RBMS3: variants seen among roughly 807,000 people sequenced by gnomAD.
The protein encoded by RBMS3 is RNA binding motif single stranded interacting protein 3.
RBMS3 carries 27 observed loss-of-function variants against 66.8 expected under a neutral mutation model. The observed-to-expected ratio is 0.40, with a 90% CI of 0.30 to 0.56. The LOEUF is 0.56. Ranked by LOEUF, RBMS3 falls within the 20% of genes least tolerant of loss-of-function variation. The pLI, the probability that RBMS3 is intolerant of heterozygous loss-of-function variation, is 0.40. For missense variants in RBMS3, 513 were observed against 549.5 expected (o/e 0.93, Z 0.66); for synonymous variants, 188 against 183.0 (o/e 1.03, Z -0.22).
At chr3:29,336,588 T>C (rs1331395196) in intron 1 of RBMS3, among the ~76,000 whole-genome samples, 1 of 152,132 alleles carries the variant, frequency 6.6e-6, no homozygotes, top group Non-Finnish European at 1.5e-5. Flanking sequence ...GTAAGAACAG[T>C]ATCACTTCCT....
chr3:29,730,580 C>G (rs1457551167), intron 4 of RBMS3, among the ~76,000 whole-genome samples: 2 of 152,152 alleles, frequency 1.3e-5, no homozygotes, highest in African/African-American at 4.8e-5. Flanking sequence ...CATGTCATTT[C>G]CACAGTTCCA....
intron 2 of RBMS3, among the ~76,000 whole-genome samples, chr3:29,466,311 C>T (rs186767386): frequency 6.6e-6 from 1 of 152,048 alleles, no homozygotes; most frequent in Non-Finnish European, 1.5e-5. Flanking sequence ...CTATGAAAAG[C>T]AGGGTTCAGC....
chr3:29,742,435 C>A (rs1310533706), intron 5 of RBMS3, among the ~76,000 whole-genome samples: 1 of 152,180 alleles, frequency 6.6e-6, no homozygotes, highest in African/African-American at 2.4e-5. Flanking sequence ...GCCTTCCTGG[C>A]TTTGACTCTG....
At chr3:29,492,919 T>C (rs1455079684) in intron 3 of RBMS3, among the ~76,000 whole-genome samples, 3 of 152,204 alleles carry the variant, frequency 2.0e-5, no homozygotes, top group South Asian at 2.1e-4. Context: ...CCATTCTTCA[T>C]TGGTACCATG....
chr3:29,315,221 A>G (rs1186264058), intron 1 of RBMS3, among the ~76,000 whole-genome samples: 4 of 151,854 alleles, frequency 2.6e-5, no homozygotes, highest in Non-Finnish European at 5.9e-5. Flanking sequence ...ATACATTCAG[A>G]GATGTTTGTC....
intron 1 of RBMS3, among the ~76,000 whole-genome samples, chr3:29,297,436 C>G (rs1043700600): frequency 6.6e-6 from 1 of 151,824 alleles, no homozygotes; most frequent in Non-Finnish European, 1.5e-5. Flanking sequence ...GAGCACAAAT[C>G]CTTAAGATGG....
intron 1 of RBMS3, among the ~76,000 whole-genome samples, chr3:29,375,436 AT>A (rs1368269886): frequency 3.9e-5 from 6 of 152,212 alleles, no homozygotes; most frequent in Admixed American, 3.3e-4. Flanking sequence ...ATGGGAGAAA[AT>A]TTTTGCAGTC....
chr3:29,330,011 G>C (rs1403338554), intron 1 of RBMS3, among the ~76,000 whole-genome samples: 3 of 151,294 alleles, frequency 2.0e-5, no homozygotes, highest in Non-Finnish European at 4.4e-5. Flanking sequence ...AATTTTTCCT[G>C]GGCAACTATT....
At position 29,975,821 on chromosome 3, in the gene RBMS3, G is replaced by T. The variant is rs1265082777; in HGVS notation, c.1099-12322G>T. Among the ~76,000 whole-genome samples, 3 of 151,650 alleles carry T rather than the reference G, an allele frequency of 2.0e-5. 1 individual carries two copies. Among genetic ancestry groups the T allele is most frequent in the Non-Finnish European group, 4.4e-5 (3 of 67,870 alleles). On this transcript the variant is annotated intron_variant, in intron 12 of 14. Transcript: ENST00000383767. ...TGCAGAAATTTCTTCCACATTCTAAGTCCTTTGTATTTCCATATAAATTTT... is the reference window on the plus strand; with the variant it reads ...TGCAGAAATTTCTTCCACATTCTAATTCCTTTGTATTTCCATATAAATTTT...
At chr3:29,565,579 C>A (rs962358915) in intron 3 of RBMS3, among the ~76,000 whole-genome samples, 1 of 152,126 alleles carries the variant, frequency 6.6e-6, no homozygotes, top group African/African-American at 2.4e-5. Flanking sequence ...ACTAGGCAAG[C>A]AACCAGGAGG....
At chr3:29,313,787 G>T (rs1480472074) in intron 1 of RBMS3, among the ~76,000 whole-genome samples, 1 of 151,664 alleles carries the variant, frequency 6.6e-6, no homozygotes, top group Non-Finnish European at 1.5e-5. Flanking sequence ...GTTTATAGAT[G>T]GATAGTATGC....
intron 10 of RBMS3, among the ~76,000 whole-genome samples, chr3:29,930,024 C>CAT (rs1289642799): frequency 3.3e-5 from 5 of 151,270 alleles, no homozygotes; most frequent in Non-Finnish European, 7.4e-5. Context: ...ATATTATAAC[C>CAT]ATAATCTTGC....
intron 4 of RBMS3, among the ~76,000 whole-genome samples, chr3:29,678,537 C>T (rs2051348956): frequency 6.6e-6 from 1 of 152,082 alleles, no homozygotes; most frequent in African/African-American, 2.4e-5. Flanking sequence ...GCTTTAGTTG[C>T]ATCAGTAGTA....
intron 6 of RBMS3, among the ~76,000 whole-genome samples, chr3:29,789,274 A>G (rs2056924705): frequency 1.3e-5 from 2 of 152,086 alleles, no homozygotes; most frequent in Non-Finnish European, 2.9e-5. Context: ...TAAAAATCTG[A>G]ATATCTCATA....
chr3:29,415,585 G>C (rs2040446031), intron 1 of RBMS3, among the ~76,000 whole-genome samples: 1 of 152,036 alleles, frequency 6.6e-6, no homozygotes, highest in Admixed American at 6.6e-5. Context: ...GCTGCATGTG[G>C]GATAGATTAG....
rs190690984 is a variant in RBMS3, at chr3:29,367,234, A to T, written c.76-67509A>T. 2.9e-3 allele frequency among the ~76,000 whole-genome samples: 446 copies of T among 152,276 alleles called. 1 individual carries two copies. The highest frequency in any genetic ancestry group is 3.0e-3 in the Non-Finnish European group (206 of 67,992). On this transcript the variant is annotated intron_variant, in intron 1 of 14. Coordinates refer to ENST00000383767, the MANE Select transcript of RBMS3 (RefSeq NM_001003793.3). ...TTTCATCATTAATTGTAATAGAAAA[A>T]TGATTTTACCTAATTCAAATAATAT...
chr3:29,856,959 C>T (rs1409878115), intron 6 of RBMS3, among the ~76,000 whole-genome samples: 1 of 152,106 alleles, frequency 6.6e-6, no homozygotes. Flanking sequence ...CAGCACTCTT[C>T]AAATTGTCAC....
chr3:29,899,180 C>T lies in RBMS3; in HGVS notation c.889-525C>T, dbSNP rs1477035834. The stretch of plus-strand genomic sequence containing the variant: ...TACCATGAGCGAAAATAATTACAAA[C>T]TTGCTTAACTTGGGTTAAACCTAAA... On this transcript the variant is annotated intron_variant, in intron 9 of 14. Coordinates refer to ENST00000383767, the MANE Select transcript of RBMS3 (RefSeq NM_001003793.3). Among the ~76,000 whole-genome samples, 7 of 151,660 alleles carry T rather than the reference C, an allele frequency of 4.6e-5. No homozygotes were observed. In the Admixed American group the frequency reaches 4.6e-4, roughly 10 times the overall value.
chr3:29,333,746 C>A (rs1331108745), intron 1 of RBMS3, among the ~76,000 whole-genome samples: 1 of 152,174 alleles, frequency 6.6e-6, no homozygotes, highest in Non-Finnish European at 1.5e-5. Flanking sequence ...AATTCAGCAT[C>A]TTTAACAAGT....
Sources: gnomAD v4.1 joint callset for allele counts (sites outside exome capture counted in the v4.1 genomes callset) on GRCh38, gnomAD v4.1.1 for gene constraint, MANE v1.5 for transcripts, NCBI Gene and HGNC (gene_info 2026-07-23, HGNC 2026-07-21) for gene names.